F13A1: variants seen among roughly 807,000 people sequenced by gnomAD.
F13A1 encodes FSF, A subunit.
Under a neutral mutation model 80.1 loss-of-function variants are expected in F13A1, and 47 were observed. The observed-to-expected ratio is 0.59, with a 90% CI of 0.46 to 0.75. The LOEUF (loss-of-function observed/expected upper bound fraction) is 0.75. Ranked by LOEUF, F13A1 falls within the 30% of genes least tolerant of loss-of-function variation. The pLI is 0.00. For missense variants in F13A1, 817 were observed against 930.4 expected, an observed-to-expected ratio of 0.88 and a Z score of 1.59; for synonymous variants, 349 against 344.9, an observed-to-expected ratio of 1.01 and a Z score of -0.13.
At chr6:6,214,047 C>A (rs1404533376) in intron 8 of F13A1, among the ~76,000 whole-genome samples, 2 of 130,824 alleles carry the variant, frequency 1.5e-5, no homozygotes, top group Non-Finnish European at 1.6e-5. Flanking sequence ...GAGTGACCTA[C>A]AAAGAGACTT....
At chr6:6,149,875 CT>C (rs962558967) in intron 14 of F13A1, among the ~76,000 whole-genome samples, 1 of 152,192 alleles carries the variant, frequency 6.6e-6, no homozygotes, top group African/African-American at 2.4e-5. Context: ...AGGGACTGGC[CT>C]TATCCATCCT....
At chr6:6,319,524 G>A (rs569092763) in intron 1 of F13A1, among the ~76,000 whole-genome samples, 2 of 152,252 alleles carry the variant, frequency 1.3e-5, no homozygotes, top group South Asian at 4.1e-4. Context: ...CACACCTGAC[G>A]GTCAGTGCCC....
At chr6:6,301,591 C>G (rs1231146049) in intron 3 of F13A1, among the ~76,000 whole-genome samples, 3 of 152,172 alleles carry the variant, frequency 2.0e-5, no homozygotes, top group Admixed American at 1.3e-4. Context: ...AACAAATTAG[C>G]TATGCTTTTC....
chr6:6,224,826 C>G lies in F13A1; in HGVS notation c.833G>C (p.Gly278Ala). The change falls in exon 7 of 15, where the codon GGA becomes GCA. Residue 278 changes from glycine to alanine, a missense_variant. By Grantham distance (60) the Gly-to-Ala change is moderately conservative (BLOSUM62 0). Coordinates refer to ENST00000264870, the MANE Select transcript of F13A1 (RefSeq NM_000129.4). ...NAKDDEGVLV[G>A]SWDNIYAYGV... ...ATAGGCATAGATATTGTCCCAGGAT[C>G]CAACGAGGACACCTTCGTCATCTTT... The G allele has an allele frequency of 6.2e-7, 1 of 1,614,074 alleles. No individual in the cohort carries two copies. The highest frequency in any genetic ancestry group is 8.5e-7 in the Non-Finnish European group (1 of 1,179,952).
At chr6:6,159,693 G>A (rs6908212) in intron 13 of F13A1, among the ~76,000 whole-genome samples, 19,473 of 152,148 alleles carry the variant, frequency 0.13, 1,435 homozygotes, top group Middle Eastern at 0.17. Flanking sequence ...CCTCCTCTCC[G>A]GGGTCAACAG....
intron 3 of F13A1, among the ~76,000 whole-genome samples, chr6:6,280,443 A>C: frequency 6.6e-6 from 1 of 152,180 alleles, no homozygotes. Context: ...ACACATTTGC[A>C]TTTTGTTTAT....
At chr6:6,260,391 G>T (rs1238846646) in intron 4 of F13A1, among the ~76,000 whole-genome samples, 1 of 152,176 alleles carries the variant, frequency 6.6e-6, no homozygotes, top group Non-Finnish European at 1.5e-5. Context: ...TGTTCACCTG[G>T]CTGTCTTTTG....
intron 8 of F13A1, among the ~76,000 whole-genome samples, chr6:6,201,075 C>A (rs1240360173): frequency 2.0e-5 from 3 of 152,142 alleles, no homozygotes; most frequent in African/African-American, 4.8e-5. Context: ...TGTTTAGTGA[C>A]CCCCTGGCTT....
Position 6,221,993 on chromosome 6 carries a change from T to A in F13A1, c.1112+40A>T, listed in dbSNP as rs759258703. 5 of 1,609,846 alleles carry A rather than the reference T, an allele frequency of 3.1e-6. No individual in the cohort carries two copies. In the South Asian group the frequency reaches 4.4e-5, roughly 14 times the overall value. ...TTGTGGTAAATGTGTAACATTACTA[T>A]AATGTGACATCAGCCAATGCCATTG... is the stretch of plus-strand genomic sequence containing the variant. On this transcript the variant is annotated intron_variant, in intron 8 of 14. Transcript: ENST00000264870.
At chr6:6,197,120 G>T (rs1436770914) in intron 9 of F13A1, 103 bp downstream of exon 9, 1 of 1,020,892 alleles carries the variant, frequency 9.8e-7, no homozygotes, top group African/African-American at 1.6e-5. Flanking sequence ...CACTTCAGAT[G>T]TTGCCTCCCA....
chr6:6,237,603 C>G (rs768865567), intron 6 of F13A1, among the ~76,000 whole-genome samples: 5 of 152,206 alleles, frequency 3.3e-5, no homozygotes, highest in Non-Finnish European at 7.4e-5. Flanking sequence ...TCCTTTAAAA[C>G]TCAGCTGGTT....
At chr6:6,256,125 T>C (rs1213437185) in intron 4 of F13A1, among the ~76,000 whole-genome samples, 1 of 152,148 alleles carries the variant, frequency 6.6e-6, no homozygotes, top group Non-Finnish European at 1.5e-5. Context: ...GGAAGCTAGT[T>C]CTTCACTTAG....
chr6:6,290,197 TA>T (rs1430692796), intron 3 of F13A1, among the ~76,000 whole-genome samples: 1 of 152,232 alleles, frequency 6.6e-6, no homozygotes, highest in Non-Finnish European at 1.5e-5. Flanking sequence ...TATAAAAACA[TA>T]CTCTTAACAA....
chr6:6,218,237 CTG>C (rs762761054), intron 8 of F13A1, among the ~76,000 whole-genome samples: 3 of 152,170 alleles, frequency 2.0e-5, no homozygotes, highest in Non-Finnish European at 4.4e-5. Flanking sequence ...TCCATTTTGA[CTG>C]TGACCTTTGT....
intron 8 of F13A1, 26 bp downstream of exon 8, chr6:6,222,007 C>T (rs752316516): frequency 1.2e-6 from 2 of 1,612,312 alleles, no homozygotes; most frequent in Non-Finnish European, 8.5e-7. Flanking sequence ...GTGACATCAG[C>T]CAATGCCATT....
At position 6,174,501 on chromosome 6, in the gene F13A1, G is replaced by T. The variant is rs959684448; in HGVS notation, c.1747+79C>A. On this transcript the variant is annotated intron_variant, in intron 12 of 14. Transcript: ENST00000264870. Reference sequence around the variant, plus strand: ...GAGGGAACTTTAACTTTGATATAAAGCTATAACGGGCATTAACACCTAGCA... The same window carrying T: ...GAGGGAACTTTAACTTTGATATAAATCTATAACGGGCATTAACACCTAGCA... 4.7e-6 allele frequency: 7 copies of T among 1,477,124 alleles called. 1 individual carries two copies. In the South Asian group the frequency reaches 7.9e-5, roughly 17 times the overall value. The allele number at this position is 1,477,124 out of a possible 1,614,324, so 91.5% of individuals were successfully genotyped here.
In F13A1 at chr6:6,250,694, T is replaced by C. The variant is rs1757618840; in HGVS notation, c.690+117A>G. 1.3e-6 allele frequency: 1 copy of C among 759,780 alleles called. No homozygotes were observed. Among genetic ancestry groups the C allele is most frequent in the Non-Finnish European group, 2.3e-6 (1 of 429,194 alleles). The allele number at this position is 759,780 out of a possible 1,614,324, so 47.1% of individuals were successfully genotyped here. On this transcript the variant is annotated intron_variant, in intron 5 of 14. Coordinates refer to ENST00000264870, the MANE Select transcript of F13A1 (RefSeq NM_000129.4). This position sits in a 1 kb window ranked among gnomAD's most constrained non-coding sequence, Gnocchi z 4.2. ...CTCTCTGCCTTGGAGTCTCAGATCC[T>C]AAAAAGCAGGAAATTGTGCTTGTCT...
chr6:6,297,584 G>A (rs1210845293), intron 3 of F13A1, among the ~76,000 whole-genome samples: 94 of 139,536 alleles, frequency 6.7e-4, no homozygotes, highest in Non-Finnish European at 7.3e-4. Flanking sequence ...CTGTGGGATC[G>A]GTGGTGATAT....
At chr6:6,261,415 G>A (rs765565423) in intron 4 of F13A1, among the ~76,000 whole-genome samples, 11 of 152,242 alleles carry the variant, frequency 7.2e-5, no homozygotes, top group Non-Finnish European at 1.6e-4. Flanking sequence ...TGGGGGCCAT[G>A]CCCAGCTTTA....
Sources: allele counts gnomAD v4.1 joint callset (sites outside exome capture counted in the v4.1 genomes callset), GRCh38; gene constraint gnomAD v4.1.1; non-coding constraint Gnocchi (gnomAD v3.1); transcripts MANE v1.5; gene names NCBI Gene and HGNC (gene_info 2026-07-23, HGNC 2026-07-21).